Variants in BPTF observed in about 807,000 individuals in gnomAD.
BPTF encodes nucleosome-remodeling factor subunit BPTF.
In BPTF, 18 loss-of-function variants were observed where a neutral mutation model predicts 292.5. That is an observed-to-expected ratio of 0.06 (90% confidence interval 0.04 to 0.09). The LOEUF (loss-of-function observed/expected upper bound fraction) is 0.09, where lower values mean the gene tolerates loss of function less well. BPTF is among the 10% of genes least tolerant of loss of function. BPTF has a pLI of 1.00. For missense variants in BPTF, 2,726 were observed against 3,498.7 expected (o/e 0.78, Z 5.57); for synonymous variants, 1,225 against 1,251.9 (o/e 0.98, Z 0.45).
intron 1 of BPTF, among the ~76,000 whole-genome samples, chr17:67,846,295 G>A (rs755592862): frequency 6.6e-6 from 1 of 152,220 alleles, no homozygotes; most frequent in Non-Finnish European, 1.5e-5. Flanking sequence ...TTTTAGAGCA[G>A]CCTGGGCAGC....
intron 9 of BPTF, among the ~76,000 whole-genome samples, chr17:67,907,823 A>G (rs2062338147): frequency 6.6e-6 from 1 of 152,186 alleles, no homozygotes; most frequent in African/African-American, 2.4e-5. Flanking sequence ...ATTAACCGTA[A>G]TTAACAAATT....
At chr17:67,858,384 A>G (rs2058846237) in intron 2 of BPTF, among the ~76,000 whole-genome samples, 1 of 152,214 alleles carries the variant, frequency 6.6e-6, no homozygotes, top group Non-Finnish European at 1.5e-5. Context: ...CTTTGTCAGC[A>G]AGGTCATTCC....
chr17:67,849,225 A>G (rs2058237782), intron 1 of BPTF, among the ~76,000 whole-genome samples: 2 of 152,184 alleles, frequency 1.3e-5, no homozygotes, highest in African/African-American at 4.8e-5. Context: ...GGTTCTGTGA[A>G]TTTGGGTTGC....
At chr17:67,877,395 C>T (rs2060116002) in intron 4 of BPTF, among the ~76,000 whole-genome samples, 1 of 152,184 alleles carries the variant, frequency 6.6e-6, no homozygotes, top group Admixed American at 6.5e-5. Context: ...ACTCTGTTAC[C>T]ACTGTTTACT....
At chr17:67,867,020 A>G (rs2059428568) in intron 3 of BPTF, among the ~76,000 whole-genome samples, 1 of 152,256 alleles carries the variant, frequency 6.6e-6, no homozygotes, top group African/African-American at 2.4e-5. Context: ...CTAAACATTT[A>G]AAAAGGTAAT....
At chr17:67,932,560 G>A (rs373856552) in intron 18 of BPTF, among the ~76,000 whole-genome samples, 16 of 152,288 alleles carry the variant, frequency 1.1e-4, no homozygotes, top group Non-Finnish European at 2.1e-4. Flanking sequence ...TTAGCTGGGC[G>A]TGGTGCCTCA....
At chr17:67,861,340 CTTTTTTTTT>C (rs568176532) in intron 2 of BPTF, among the ~76,000 whole-genome samples, 3 of 135,102 alleles carry the variant, frequency 2.2e-5, no homozygotes, top group Non-Finnish European at 4.7e-5. Context: ...AAGATTTTTT[CTTTTTTTTT>C]TTTTTTTGAG....
chr17:67,977,541 A>C (rs1286691536), intron 27 of BPTF, among the ~76,000 whole-genome samples: 1 of 151,236 alleles, frequency 6.6e-6, no homozygotes, highest in Non-Finnish European at 1.5e-5. Flanking sequence ...GTGTGCTGTC[A>C]AAAATAAGGA....
At chr17:67,896,519 A>G (rs918786505) in intron 7 of BPTF, among the ~76,000 whole-genome samples, 2 of 152,228 alleles carry the variant, frequency 1.3e-5, no homozygotes, top group Admixed American at 1.3e-4. Context: ...AATTTTTAAA[A>G]AGAAAAAACA....
intron 27 of BPTF, among the ~76,000 whole-genome samples, chr17:67,976,685 C>CAAAAAAAAAAAA (rs1156404121): frequency 2.0e-4 from 5 of 24,828 alleles, no homozygotes; most frequent in African/African-American, 4.1e-4. Flanking sequence ...GACCCTGTCT[C>CAAAAAAAAAAAA]AAAAAAAAAA....
intron 11 of BPTF, among the ~76,000 whole-genome samples, chr17:67,915,448 T>C (rs1471646348): frequency 6.6e-6 from 1 of 152,236 alleles, no homozygotes; most frequent in Non-Finnish European, 1.5e-5. Flanking sequence ...CAGTACTGGA[T>C]AAATCTCAGA....
chr17:67,911,816 G>A lies in BPTF; in HGVS notation c.3932G>A (p.Ser1311Asn), dbSNP rs200169476. ...GAAGAAGATATGATTGTTCAGAATA[G>A]CAATGAAAGCATTTCTGAACAGTTC... ...SSEEDMIVQN[S>N]NESISEQFRT... Residue 1311 changes from serine (S) to asparagine (N), a missense_variant, in exon 11 of 28, where the codon AGC (serine) becomes AAC (asparagine). By Grantham distance (46) the Ser-to-Asn change is conservative. Coordinates refer to ENST00000306378, the MANE Select transcript of BPTF (RefSeq NM_182641.4). 6 of 1,614,198 alleles carry A rather than the reference G, an allele frequency of 3.7e-6. No homozygotes were observed. Among genetic ancestry groups the A allele is most frequent in the Admixed American group, 1.7e-5 (1 of 60,022 alleles).
intron 27 of BPTF, among the ~76,000 whole-genome samples, chr17:67,978,263 G>A (rs1250338596): frequency 6.7e-6 from 1 of 150,116 alleles, no homozygotes; most frequent in Non-Finnish European, 1.5e-5. Context: ...AAGTGCTGGG[G>A]CTGTGAACCA....
rs2147954977 is a variant in BPTF at position 67,946,324 on chromosome 17, A to C, written c.7616A>C (p.Gln2539Pro). 6.2e-7 allele frequency: 1 copy of C among 1,612,912 alleles called. No homozygotes were observed. Among genetic ancestry groups the C allele is most frequent in the Non-Finnish European group, 8.5e-7 (1 of 1,179,446 alleles). ...AATCAAAGTGAAATCATTCAGAAAC[A>C]GGTAAAGTTATTAAGTAAAAGCAGC... Reference protein sequence around the residue: ...ASNQSEIIQKQVVMKHNAVIE... With the variant: ...ASNQSEIIQKPVVMKHNAVIE... The change falls in exon 21 of 28, where the codon CAG becomes CCG. Residue 2539 changes from glutamine to proline, a missense_variant and splice_region_variant. Coordinates refer to ENST00000306378, the MANE Select transcript of BPTF (RefSeq NM_182641.4).
intron 24 of BPTF, 132 bp downstream of exon 24, chr17:67,960,007 G>A (rs1178619863): frequency 4.2e-6 from 3 of 716,776 alleles, no homozygotes; most frequent in South Asian, 2.4e-5. Flanking sequence ...TTTCATCCAT[G>A]GTCTTGCATG....
chr17:67,967,550 G>T (rs111470720), intron 26 of BPTF, among the ~76,000 whole-genome samples: 1 of 151,960 alleles, frequency 6.6e-6, no homozygotes, highest in Non-Finnish European at 1.5e-5. Context: ...GAAATGGCGG[G>T]GTGGCTCACG....
At chr17:67,943,804 A>G (rs1249477276) in intron 19 of BPTF, among the ~76,000 whole-genome samples, 2 of 152,238 alleles carry the variant, frequency 1.3e-5, no homozygotes, top group Non-Finnish European at 2.9e-5. Flanking sequence ...ATTGTAAAAT[A>G]TGAATATAAG....
chr17:67,878,745 T>G (rs12451511), intron 4 of BPTF, among the ~76,000 whole-genome samples: 30,972 of 151,968 alleles, frequency 0.2, 3,970 homozygotes, highest in East Asian at 0.66. Flanking sequence ...CCTGTCTGCT[T>G]CTTTGTTCAT....
At chr17:67,900,948 G>A (rs1296544260) in intron 7 of BPTF, among the ~76,000 whole-genome samples, 3 of 152,140 alleles carry the variant, frequency 2.0e-5, no homozygotes, top group Admixed American at 1.3e-4. Context: ...GAGCCCAGGA[G>A]TTTGAGGCTG....
Sources: allele counts gnomAD v4.1 joint callset (sites outside exome capture counted in the v4.1 genomes callset), GRCh38; gene constraint gnomAD v4.1.1; transcripts MANE v1.5; gene names NCBI Gene and HGNC (gene_info 2026-07-23, HGNC 2026-07-21).